Variants in BMAL2 observed in about 807,000 individuals in gnomAD.
The protein encoded by BMAL2 is basic helix-loop-helix ARNT-like protein 2.
chr12:27,400,378 G>A, the BMAL2 span, among the ~76,000 whole-genome samples: 2 of 152,100 alleles, frequency 1.3e-5, no homozygotes, highest in Admixed American at 1.3e-4. Context: ...CAAAATTGGT[G>A]ATATCTTTTC....
the BMAL2 span, among the ~76,000 whole-genome samples, chr12:27,358,536 G>A: frequency 0.016 from 2,373 of 152,144 alleles, 50 homozygotes; most frequent in African/African-American, 0.054. Context: ...TTTAAATGAT[G>A]GCATAGGATT....
the BMAL2 span, among the ~76,000 whole-genome samples, chr12:27,379,374 G>A: frequency 6.6e-6 from 1 of 152,206 alleles, no homozygotes; most frequent in Non-Finnish European, 1.5e-5. Context: ...TAGCTTATGA[G>A]TAGCTGTAAA....
the BMAL2 span, among the ~76,000 whole-genome samples, chr12:27,402,141 G>A: frequency 3.9e-5 from 6 of 152,182 alleles, no homozygotes; most frequent in Admixed American, 3.9e-4. Flanking sequence ...GTCTGTAGCT[G>A]TGTCAGCCTG....
At chr12:27,398,575 TTAGA>T in the BMAL2 span, among the ~76,000 whole-genome samples, 4 of 151,994 alleles carry the variant, frequency 2.6e-5, no homozygotes, top group Non-Finnish European at 5.9e-5. Context: ...AAAAAAAAAC[TTAGA>T]TAGCTGATCA....
the BMAL2 span, among the ~76,000 whole-genome samples, chr12:27,347,639 C>T: frequency 3.9e-5 from 6 of 152,242 alleles, no homozygotes; most frequent in East Asian, 5.8e-4. Flanking sequence ...ATCCTTTCAA[C>T]GAGGTTGTAC....
chr12:27,390,216 G>A, the BMAL2 span: 1 of 1,613,842 alleles, frequency 6.2e-7, no homozygotes, highest in Non-Finnish European at 8.5e-7. Flanking sequence ...GAGCATGGAT[G>A]CTTACCCAAC....
the BMAL2 span, among the ~76,000 whole-genome samples, chr12:27,346,408 G>A: frequency 6.6e-6 from 1 of 151,972 alleles, no homozygotes; most frequent in Non-Finnish European, 1.5e-5. Flanking sequence ...CTACAGGTGC[G>A]CATGCCACTG....
At chr12:27,376,613 T>TA in the BMAL2 span, among the ~76,000 whole-genome samples, 14 of 151,468 alleles carry the variant, frequency 9.2e-5, no homozygotes, top group East Asian at 5.8e-4. Flanking sequence ...TAGAATAGCT[T>TA]AAAAAAAAAC....
At chr12:27,376,479 A>C in the BMAL2 span, 1 of 1,101,890 alleles carries the variant, frequency 9.1e-7, no homozygotes, top group Non-Finnish European at 1.3e-6. Context: ...CCAAGGTAGA[A>C]GGGCTTGAAG....
chr12:27,386,805 T>A, the BMAL2 span, among the ~76,000 whole-genome samples: 6 of 152,172 alleles, frequency 3.9e-5, no homozygotes, highest in African/African-American at 1.4e-4. Flanking sequence ...AATTTTTGTA[T>A]TTTTTGTCAA....
chr12:27,403,467 A>G, the BMAL2 span: 22 of 1,611,026 alleles, frequency 1.4e-5, no homozygotes, highest in South Asian at 2.3e-4. Context: ...GTGTACCTGG[A>G]ATGTCTACTG....
At chr12:27,404,398 G>A in the BMAL2 span, among the ~76,000 whole-genome samples, 1 of 151,720 alleles carries the variant, frequency 6.6e-6, no homozygotes, top group Non-Finnish European at 1.5e-5. Context: ...TTATATTTCA[G>A]AAATACAATC....
At chr12:27,353,172 T>C in the BMAL2 span, among the ~76,000 whole-genome samples, 1 of 152,116 alleles carries the variant, frequency 6.6e-6, no homozygotes, top group Middle Eastern at 3.4e-3. Context: ...CTACCCGACT[T>C]CAAACTATAC....
chr12:27,392,152 C>A, the BMAL2 span, among the ~76,000 whole-genome samples: 1 of 152,180 alleles, frequency 6.6e-6, no homozygotes. Context: ...CCTAACTCAA[C>A]TATGTGACTT....
At chr12:27,364,475 A>C in the BMAL2 span, among the ~76,000 whole-genome samples, 6 of 152,152 alleles carry the variant, frequency 3.9e-5, no homozygotes, top group South Asian at 1.2e-3. Context: ...TTTGATATTT[A>C]GCAGATGTCC....
chr12:27,380,838 T>C, the BMAL2 span, among the ~76,000 whole-genome samples: 9 of 151,398 alleles, frequency 5.9e-5, no homozygotes. Flanking sequence ...ATGCAAAAAT[T>C]AGCCAAGTGT....
the BMAL2 span, among the ~76,000 whole-genome samples, chr12:27,355,987 A>G: frequency 6.6e-6 from 1 of 152,170 alleles, no homozygotes; most frequent in African/African-American, 2.4e-5. Context: ...GGCCAGAAGA[A>G]TCAGATCCTT....
the BMAL2 span, chr12:27,377,640 C>G: frequency 2.0e-5 from 3 of 152,186 alleles, no homozygotes; most frequent in East Asian, 5.8e-4. Context: ...CCTTGGAAGG[C>G]AGAGGCAGAA....
At chr12:27,374,454 G>C in the BMAL2 span, among the ~76,000 whole-genome samples, 2 of 152,208 alleles carry the variant, frequency 1.3e-5, no homozygotes, top group South Asian at 4.1e-4. Context: ...ACTGTGAAGA[G>C]ACTTGAACAT....
Sources: allele counts gnomAD v4.1 joint callset (sites outside exome capture counted in the v4.1 genomes callset), GRCh38; gene constraint gnomAD v4.1.1; transcripts MANE v1.5; gene names NCBI Gene and HGNC (gene_info 2026-07-23, HGNC 2026-07-21).